The following BCKDHB variants were observed in gnomAD, a reference collection of about 807,000 sequenced individuals.
The protein encoded by BCKDHB is branched chain keto acid dehydrogenase E1 subunit beta.
In BCKDHB, 41 loss-of-function variants were observed where a neutral mutation model predicts 48.5. The observed-to-expected ratio is 0.85, with a 90% CI of 0.66 to 1.10. The LOEUF (loss-of-function observed/expected upper bound fraction) is 1.10, where lower values mean the gene tolerates loss of function less well. Ranked by LOEUF, BCKDHB falls within the 50% of genes least tolerant of loss-of-function variation. The pLI is 0.00. For synonymous variants in BCKDHB, 201 were observed against 174.8 expected (o/e 1.15, Z -1.18); for missense variants, 496 against 494.2 (o/e 1.00, Z -0.03).
chr6:80,422,877 T>C, the BCKDHB span, among the ~76,000 whole-genome samples: 2 of 152,182 alleles, frequency 1.3e-5, no homozygotes, highest in African/African-American at 4.8e-5. Flanking sequence ...TTGTCTCAGA[T>C]GAGACTTTGG....
chr6:80,171,216 T>C, intron 5 of BCKDHB, 66 bp from the exon 6 acceptor site: 1 of 897,742 alleles, frequency 1.1e-6, no homozygotes, highest in Non-Finnish European at 1.8e-6. Flanking sequence ...TATCAGCCCT[T>C]CTTAGCAGCG....
chr6:80,137,226 A>G (rs1770933850), intron 3 of BCKDHB, among the ~76,000 whole-genome samples: 1 of 152,130 alleles, frequency 6.6e-6, no homozygotes, highest in Non-Finnish European at 1.5e-5. Flanking sequence ...TGATTTTTCC[A>G]AATAAGGATT....
chr6:80,213,407 C>G (rs1001039745), intron 8 of BCKDHB, among the ~76,000 whole-genome samples: 2 of 152,086 alleles, frequency 1.3e-5, no homozygotes, highest in Non-Finnish European at 2.9e-5. Context: ...TTCAGTTATT[C>G]TTAATTTCTA....
At chr6:80,136,486 G>A (rs1770890957) in intron 3 of BCKDHB, among the ~76,000 whole-genome samples, 1 of 152,078 alleles carries the variant, frequency 6.6e-6, no homozygotes, top group Non-Finnish European at 1.5e-5. Flanking sequence ...AGACTTAAAT[G>A]TAAAACTATA....
chr6:80,399,898 G>T, the BCKDHB span, among the ~76,000 whole-genome samples: 12 of 152,086 alleles, frequency 7.9e-5, no homozygotes, highest in South Asian at 2.5e-3. Flanking sequence ...TTGACTAATG[G>T]AATAGAATAG....
chr6:80,129,217 C>G lies in BCKDHB; in HGVS notation c.331C>G (p.Arg111Gly), dbSNP rs371117671. The change falls in exon 3 of 10, where the codon CGA becomes GGA. Residue 111 changes from arginine (R) to glycine (G), a missense_variant. Physicochemically the swap from Arg to Gly is moderately radical, Grantham distance 125. Coordinates refer to ENST00000320393, the MANE Select transcript of BCKDHB (RefSeq NM_183050.4). ...AGTCTTTAGATGCACTGTTGGCTTG[C>G]GAGACAAATATGGTAAGTAAATACC... ...GGVFRCTVGL[R>G]DKYGKDRVFN... 4.3e-6 allele frequency: 7 copies of G among 1,609,824 alleles called. No homozygotes were observed. The African/African-American group carries it at 6.7e-5, about 15-fold the overall frequency.
the BCKDHB span, among the ~76,000 whole-genome samples, chr6:80,406,423 A>G: frequency 2.6e-5 from 4 of 152,220 alleles, no homozygotes; most frequent in Non-Finnish European, 2.9e-5. Context: ...TCCTTGAGGA[A>G]TCACCACACT....
At chr6:80,260,577 ACC>A (rs2127949853) in intron 8 of BCKDHB, among the ~76,000 whole-genome samples, 1 of 152,284 alleles carries the variant, frequency 6.6e-6, no homozygotes, top group Non-Finnish European at 1.5e-5. Context: ...TGCCATAATT[ACC>A]CATTTATGAT....
intron 3 of BCKDHB, among the ~76,000 whole-genome samples, chr6:80,145,575 C>CT (rs1256068561): frequency 6.6e-6 from 1 of 152,194 alleles, no homozygotes; most frequent in East Asian, 1.9e-4. Flanking sequence ...CAACTCAACT[C>CT]TGTCAGTTTC....
At chr6:80,251,621 C>T (rs1776841705) in intron 8 of BCKDHB, 2 of 152,154 alleles carry the variant, frequency 1.3e-5, no homozygotes, top group African/African-American at 2.4e-5. Flanking sequence ...GAGACAACTT[C>T]TACTCCCGGC....
intron 1 of BCKDHB, chr6:80,127,134 A>G (rs942949213): frequency 6.2e-5 from 14 of 224,120 alleles, no homozygotes; most frequent in Non-Finnish European, 9.9e-5. Context: ...GTCCATGACC[A>G]TTTGCTGTTG....
At chr6:80,227,396 A>G (rs1297364174) in intron 8 of BCKDHB, among the ~76,000 whole-genome samples, 1 of 152,114 alleles carries the variant, frequency 6.6e-6, no homozygotes, top group East Asian at 1.9e-4. Context: ...TCGTTTCCCA[A>G]ATTTTAAAAT....
At chr6:80,142,313 A>G (rs1214105137) in intron 3 of BCKDHB, among the ~76,000 whole-genome samples, 4 of 152,246 alleles carry the variant, frequency 2.6e-5, no homozygotes, top group Admixed American at 2.6e-4. Flanking sequence ...TAAAAAGATG[A>G]ATTATGTTAA....
chr6:80,343,975 A>T lies in BCKDHB; in HGVS notation c.*171A>T. ...TAATGTGCTTTAGAAAAAAAATTCA[A>T]ATTTATAGTAGTATATTTACATTTT... On this transcript the variant is annotated 3_prime_UTR_variant, in exon 10 of 10. Transcript: ENST00000320393. The T allele has an allele frequency of 1.3e-6, 1 of 774,038 alleles. No individual in the cohort carries two copies. 47.9% of individuals were successfully genotyped at this position (774,038 alleles called of 1,614,324 possible). A position where few individuals can be genotyped will look rare whatever the true frequency, so the allele number is the denominator to read the frequency against.
the BCKDHB span, among the ~76,000 whole-genome samples, chr6:80,382,234 C>T: frequency 2.6e-5 from 4 of 152,038 alleles, no homozygotes; most frequent in Non-Finnish European, 5.9e-5. Context: ...GTTTGTAATA[C>T]TCATGGTTTT....
At chr6:80,360,713 T>C in the BCKDHB span, among the ~76,000 whole-genome samples, 2 of 152,036 alleles carry the variant, frequency 1.3e-5, no homozygotes, top group Admixed American at 6.6e-5. Context: ...CTAGGACTTA[T>C]AAGAATTATT....
rs1174061592 is a variant in BCKDHB at position 80,168,892 on chromosome 6, C to T, written c.495C>T (p.Ala165=). 3.7e-6 allele frequency: 6 copies of T among 1,613,912 alleles called. No individual in the cohort carries two copies. The highest frequency in any genetic ancestry group is 2.2e-5 in the East Asian group (1 of 44,872). The change falls in exon 5 of 10, where the codon GCC becomes GCT. Residue 165 remains alanine, a synonymous_variant. Transcript: ENST00000320393. ...ACCCTCAGATTGTTAATGAAGCTGC[C>T]AAGTATCGCTATCGCTCTGGGGATC... is the stretch of plus-strand genomic sequence containing the variant. ...PAFDQIVNEA[A]KYRYRSGDLF... is the part of the protein sequence containing the mutation.
chr6:80,120,878 T>C (rs567005883), intron 1 of BCKDHB, among the ~76,000 whole-genome samples: 37 of 152,308 alleles, frequency 2.4e-4, no homozygotes, highest in Non-Finnish European at 4.9e-4. Flanking sequence ...TAGATCCCCT[T>C]TGTCTATTTT....
At chr6:80,303,707 T>C (rs1767703053) in intron 9 of BCKDHB, among the ~76,000 whole-genome samples, 1 of 152,052 alleles carries the variant, frequency 6.6e-6, no homozygotes, top group Non-Finnish European at 1.5e-5. Context: ...TTTAAACTTC[T>C]GTAAAGAGAG....
Sources: allele counts gnomAD v4.1 joint callset (sites outside exome capture counted in the v4.1 genomes callset), GRCh38; gene constraint gnomAD v4.1.1; transcripts MANE v1.5; gene names NCBI Gene and HGNC (gene_info 2026-07-23, HGNC 2026-07-21).